ITPR1: variants seen among roughly 807,000 people sequenced by gnomAD.
ITPR1 encodes the protein inositol 1,4,5-trisphosphate receptor type 1.
Under a neutral mutation model 318.4 loss-of-function variants are expected in ITPR1, and 96 were observed. The observed-to-expected ratio is 0.30, with a 90% CI of 0.26 to 0.36. The LOEUF (loss-of-function observed/expected upper bound fraction) is 0.36. Ranked by LOEUF, ITPR1 falls within the 10% of genes least tolerant of loss-of-function variation. The probability of loss-of-function intolerance (pLI) is 1.00; values close to 1 mark genes in which losing one functional copy is unlikely to be tolerated. For missense variants in ITPR1, 2,440 were observed against 3,460.2 expected (o/e 0.71, Z 7.40); for synonymous variants, 1,312 against 1,289.9 (o/e 1.02, Z -0.37).
At chr3:4,574,109 T>C (rs2088343496) in intron 4 of ITPR1, among the ~76,000 whole-genome samples, 1 of 152,184 alleles carries the variant, frequency 6.6e-6, no homozygotes, top group Non-Finnish European at 1.5e-5. Flanking sequence ...GTAATCTGTC[T>C]ACCATTTCTA....
chr3:4,687,856 A>C (rs1160778500), intron 30 of ITPR1, among the ~76,000 whole-genome samples: 2 of 152,172 alleles, frequency 1.3e-5, no homozygotes, highest in African/African-American at 4.8e-5. Flanking sequence ...ATGATAGAGG[A>C]GTTACGGCAG....
intron 30 of ITPR1, among the ~76,000 whole-genome samples, chr3:4,687,903 C>T (rs1407735539): frequency 1.3e-5 from 2 of 152,108 alleles, no homozygotes; most frequent in Non-Finnish European, 2.9e-5. Context: ...AGGAGATTTC[C>T]ACTTTGCCAT....
chr3:4,846,771 G>T lies in ITPR1; in HGVS notation c.*546G>T, dbSNP rs1560004735. 1 of 152,594 alleles carries T rather than the reference G, an allele frequency of 6.6e-6. No individual in the cohort carries two copies. 9.5% of individuals were successfully genotyped at this position (152,594 alleles called of 1,614,324 possible). A position where few individuals can be genotyped will look rare whatever the true frequency, so the allele number is the denominator to read the frequency against. ...ATTTTGTACCATGTAATTATCCTCT[G>T]GTGATGCTGTTTCTCGTTAGTGGCA... On this transcript the variant is annotated 3_prime_UTR_variant, in exon 62 of 62. Transcript: ENST00000649015.
chr3:4,831,131 T>TCTCTCTCTCACA (rs879032970), intron 60 of ITPR1: 19 of 349,476 alleles, frequency 5.4e-5, no homozygotes, highest in African/African-American at 4.6e-4. Flanking sequence ...TCTCTCTCTC[T>TCTCTCTCTCACA]CACACACACA....
chr3:4,809,895 CT>C (rs1422126040), intron 55 of ITPR1, among the ~76,000 whole-genome samples: 4 of 152,212 alleles, frequency 2.6e-5, no homozygotes, highest in African/African-American at 9.7e-5. Context: ...ACTTTGCCTT[CT>C]GTCATATTGT....
intron 60 of ITPR1, 119 bp downstream of exon 60, chr3:4,818,361 G>C: frequency 1.3e-6 from 1 of 778,198 alleles, no homozygotes; most frequent in Non-Finnish European, 1.9e-6. Context: ...TGTTGCCTGA[G>C]CCCTTCTCAC....
intron 36 of ITPR1, among the ~76,000 whole-genome samples, chr3:4,704,141 A>C (rs987221643): frequency 1.3e-5 from 2 of 152,176 alleles, no homozygotes; most frequent in African/African-American, 4.8e-5. Flanking sequence ...GGCCGGGCGC[A>C]GTGGCTCATG....
At chr3:4,605,690 C>T (rs1365404438) in intron 4 of ITPR1, among the ~76,000 whole-genome samples, 1 of 152,120 alleles carries the variant, frequency 6.6e-6, no homozygotes, top group Non-Finnish European at 1.5e-5. Flanking sequence ...GTCCATGTAC[C>T]ATTTCTCTTG....
chr3:4,530,444 G>C (rs1236638709), intron 4 of ITPR1, among the ~76,000 whole-genome samples: 1 of 152,198 alleles, frequency 6.6e-6, no homozygotes, highest in East Asian at 1.9e-4. Flanking sequence ...ACTTAACGCT[G>C]CCCTGTAATC....
intron 4 of ITPR1, among the ~76,000 whole-genome samples, chr3:4,616,808 G>A (rs1386069052): frequency 6.6e-6 from 1 of 152,080 alleles, no homozygotes; most frequent in African/African-American, 2.4e-5. Flanking sequence ...TGGGCTGGAT[G>A]CACGGGAAAC....
At chr3:4,561,344 T>C (rs1461560332) in intron 4 of ITPR1, among the ~76,000 whole-genome samples, 1 of 152,160 alleles carries the variant, frequency 6.6e-6, no homozygotes, top group African/African-American at 2.4e-5. Context: ...TACGACCAAT[T>C]CCAGTGACTG....
chr3:4,609,176 G>A (rs1369960918), intron 4 of ITPR1, among the ~76,000 whole-genome samples: 5 of 147,594 alleles, frequency 3.4e-5, no homozygotes, highest in African/African-American at 1.2e-4. Context: ...TTCTTGAGGT[G>A]CCATCCTTGA....
chr3:4,809,554 G>A (rs1057496463), intron 55 of ITPR1, among the ~76,000 whole-genome samples: 1 of 151,952 alleles, frequency 6.6e-6, no homozygotes, highest in Non-Finnish European at 1.5e-5. Flanking sequence ...GCTATTGAGC[G>A]AATGTCTCTA....
At chr3:4,806,040 G>A (rs979826829) in intron 54 of ITPR1, 63 bp from the exon 55 acceptor site, 44 of 1,374,396 alleles carry the variant, frequency 3.2e-5, no homozygotes, top group Admixed American at 6.4e-5. Context: ...AGATGCTCTC[G>A]TTGCTCTCAT....
At chr3:4,683,588 A>C in intron 27 of ITPR1, 37 bp downstream of exon 27, 1 of 1,613,948 alleles carries the variant, frequency 6.2e-7, no homozygotes, top group Non-Finnish European at 8.5e-7. Flanking sequence ...TGTCTGTCCA[A>C]GAAGCTGTTG....
chr3:4,614,853 T>G (rs371790427), intron 4 of ITPR1, among the ~76,000 whole-genome samples: 1 of 152,274 alleles, frequency 6.6e-6, no homozygotes, highest in African/African-American at 2.4e-5. Context: ...CTTTCTCTTA[T>G]TTTTTTCAGC....
chr3:4,727,447 T>A (rs1230231287), intron 42 of ITPR1, among the ~76,000 whole-genome samples: 1 of 152,172 alleles, frequency 6.6e-6, no homozygotes, highest in African/African-American at 2.4e-5. Flanking sequence ...GGCTTTCTAT[T>A]TAGGTGAAAT....
In ITPR1 at chr3:4,846,639, A is replaced by T. The variant is rs995928532; in HGVS notation, c.*414A>T. Reference sequence around the variant, plus strand: ...TGTAGCTCCCGAGTGTCCTAAAGGGAGTGCACTTCTTTGAAGCTGGTGTGT... The same window carrying T: ...TGTAGCTCCCGAGTGTCCTAAAGGGTGTGCACTTCTTTGAAGCTGGTGTGT... On this transcript the variant is annotated 3_prime_UTR_variant, in exon 62 of 62. Coordinates refer to ENST00000649015, the MANE Select transcript of ITPR1 (RefSeq NM_001378452.1). 6.5e-6 allele frequency: 1 copy of T among 154,008 alleles called. No individual in the cohort carries two copies. Among genetic ancestry groups the T allele is most frequent in the Admixed American group, 6.5e-5 (1 of 15,336 alleles). The allele number at this position is 154,008 out of a possible 1,614,324, so 9.5% of individuals were successfully genotyped here.
At chr3:4,618,886 G>A (rs1180859527) in intron 4 of ITPR1, among the ~76,000 whole-genome samples, 1 of 152,220 alleles carries the variant, frequency 6.6e-6, no homozygotes, top group Admixed American at 6.5e-5. Context: ...TGGCATTTGA[G>A]CTGGGCCAGG....
Sources: gnomAD v4.1 joint callset for allele counts (sites outside exome capture counted in the v4.1 genomes callset) on GRCh38, gnomAD v4.1.1 for gene constraint, MANE v1.5 for transcripts, NCBI Gene and HGNC (gene_info 2026-07-23, HGNC 2026-07-21) for gene names.